The following RNF13 variants were observed in gnomAD, a reference collection of about 807,000 sequenced individuals.
RNF13 encodes the protein E3 ubiquitin-protein ligase RNF13.
A neutral mutation model predicts 37.7 loss-of-function variants in RNF13; 19 were observed. The observed-to-expected ratio is 0.50, with a 90% CI of 0.35 to 0.74. RNF13 has a LOEUF of 0.74. Among genes scored for constraint, RNF13 ranks in the 30% least tolerant of loss-of-function variants. The probability of loss-of-function intolerance (pLI) is 0.01; values close to 1 mark genes in which losing one functional copy is unlikely to be tolerated. For missense variants in RNF13, 375 were observed against 453.0 expected, an observed-to-expected ratio of 0.83 and a Z score of 1.56; for synonymous variants, 144 against 157.8, an observed-to-expected ratio of 0.91 and a Z score of 0.65.
chr3:149,836,509 A>G (rs1721638649), intron 1 of RNF13, among the ~76,000 whole-genome samples: 1 of 152,130 alleles, frequency 6.6e-6, no homozygotes, highest in Non-Finnish European at 1.5e-5. Flanking sequence ...TTGAAGGAAA[A>G]CAACATAAAA....
rs1464030676 is a variant in RNF13, at chr3:149,823,594, TAGTA to T, written c.-17+10244_-17+10247del. On this transcript the variant is annotated intron_variant, in intron 1 of 9. Transcript: ENST00000392894. ...ATATTCATTGGAAAATTATTTGTAATAGTAAGAGTTCAATTCAATGTTGTACAGC... is the reference window on the plus strand; with the variant it reads ...ATATTCATTGGAAAATTATTTGTAATAGAGTTCAATTCAATGTTGTACAGC... Among the ~76,000 whole-genome samples the T allele has an allele frequency of 2.0e-5, 3 of 152,266 alleles. No individual in the cohort carries two copies. In the East Asian group the frequency reaches 5.8e-4, roughly 29 times the overall value.
intron 6 of RNF13, among the ~76,000 whole-genome samples, chr3:149,904,981 A>G (rs1716245292): frequency 6.6e-6 from 1 of 152,120 alleles, no homozygotes; most frequent in South Asian, 2.1e-4. Flanking sequence ...TGGATGTTCC[A>G]GTTTAATCAG....
chr3:149,874,632 C>T (rs1712473038), intron 4 of RNF13, among the ~76,000 whole-genome samples: 1 of 152,072 alleles, frequency 6.6e-6, no homozygotes, highest in African/African-American at 2.4e-5. Flanking sequence ...ATTAAATTGT[C>T]TGGTAAGTCA....
At chr3:149,865,685 A>T (rs1724740329) in intron 3 of RNF13, among the ~76,000 whole-genome samples, 1 of 152,156 alleles carries the variant, frequency 6.6e-6, no homozygotes, top group Admixed American at 6.5e-5. Context: ...AAACAAAAAA[A>T]TTGGAATAGA....
At chr3:149,876,481 C>G (rs1374480106) in intron 4 of RNF13, among the ~76,000 whole-genome samples, 3 of 152,132 alleles carry the variant, frequency 2.0e-5, no homozygotes, top group Non-Finnish European at 4.4e-5. Context: ...TTTTATAAAA[C>G]TTAACTGGGA....
At chr3:149,839,446 A>G (rs1721949612) in intron 1 of RNF13, among the ~76,000 whole-genome samples, 1 of 137,246 alleles carries the variant, frequency 7.3e-6, no homozygotes, top group Non-Finnish European at 1.6e-5. Flanking sequence ...ATAAAGAAAA[A>G]GAGGTTTAAT....
intron 8 of RNF13, among the ~76,000 whole-genome samples, chr3:149,941,238 A>T (rs1720226607): frequency 6.6e-6 from 1 of 152,048 alleles, no homozygotes; most frequent in South Asian, 2.1e-4. Flanking sequence ...GCTGAATCAT[A>T]TTCTAATTGT....
intron 4 of RNF13, among the ~76,000 whole-genome samples, chr3:149,873,113 A>G (rs559393764): frequency 6.6e-6 from 1 of 152,342 alleles, no homozygotes; most frequent in East Asian, 1.9e-4. Context: ...CCAGAACTAA[A>G]CTATAATAAT....
chr3:149,953,904 A>G (rs778063681), intron 8 of RNF13, among the ~76,000 whole-genome samples: 1 of 152,258 alleles, frequency 6.6e-6, no homozygotes, highest in Non-Finnish European at 1.5e-5. Context: ...AGCAATTATT[A>G]TTATAAAAGC....
At chr3:149,832,717 A>G (rs776834409) in intron 1 of RNF13, among the ~76,000 whole-genome samples, 2 of 152,224 alleles carry the variant, frequency 1.3e-5, no homozygotes, top group African/African-American at 4.8e-5. Context: ...TACCAATTTT[A>G]TAGAAATAAA....
At chr3:149,938,856 A>G (rs879817772) in intron 8 of RNF13, 53 of 290,134 alleles carry the variant, frequency 1.8e-4, no homozygotes, top group Non-Finnish European at 3.1e-4. Context: ...ATTCTTGGCA[A>G]TAGAGCCTGG....
At chr3:149,903,821 G>C (rs1384875284) in intron 6 of RNF13, among the ~76,000 whole-genome samples, 1 of 152,078 alleles carries the variant, frequency 6.6e-6, no homozygotes, top group African/African-American at 2.4e-5. Flanking sequence ...CAAGTTGACT[G>C]TCAAATGAAT....
chr3:149,955,851 T>G (rs1721810270), intron 8 of RNF13, among the ~76,000 whole-genome samples: 1 of 152,196 alleles, frequency 6.6e-6, no homozygotes, highest in Non-Finnish European at 1.5e-5. Context: ...ACAATTAACT[T>G]CTACATCAAT....
chr3:149,870,552 G>GA (rs754083537), intron 3 of RNF13, among the ~76,000 whole-genome samples: 13 of 151,896 alleles, frequency 8.6e-5, no homozygotes, highest in Admixed American at 7.2e-4. Flanking sequence ...TAATCATGTT[G>GA]AAAAATATTT....
At chr3:149,820,978 CT>C (rs1719946728) in intron 1 of RNF13, among the ~76,000 whole-genome samples, 1 of 152,154 alleles carries the variant, frequency 6.6e-6, no homozygotes, top group Non-Finnish European at 1.5e-5. Flanking sequence ...ATCAGTACTT[CT>C]TTCCTTTTCA....
intron 8 of RNF13, among the ~76,000 whole-genome samples, chr3:149,951,822 G>T (rs574504846): frequency 5.3e-5 from 8 of 152,300 alleles, no homozygotes; most frequent in African/African-American, 1.9e-4. Flanking sequence ...CTACTTTATG[G>T]ATAAGGAATA....
intron 8 of RNF13, among the ~76,000 whole-genome samples, chr3:149,939,977 C>A (rs757985702): frequency 1.2e-3 from 181 of 152,162 alleles, no homozygotes; most frequent in Middle Eastern, 3.4e-3. Flanking sequence ...CTCTGACAAT[C>A]TTTTGATTAG....
At chr3:149,818,666 A>T (rs1404556545) in intron 1 of RNF13, among the ~76,000 whole-genome samples, 3 of 152,144 alleles carry the variant, frequency 2.0e-5, no homozygotes, top group African/African-American at 7.2e-5. Flanking sequence ...TAATCCCAGC[A>T]CTTTGGGAGG....
rs796337891 is a variant in RNF13 at position 149,822,911 on chromosome 3, C to T, written c.-17+9558C>T. Among the ~76,000 whole-genome samples the T allele has an allele frequency of 1.2e-4, 19 of 152,130 alleles. 1 individual carries two copies. Among genetic ancestry groups the T allele is most frequent in the South Asian group, 6.2e-4 (3 of 4,828 alleles). On this transcript the variant is annotated intron_variant, in intron 1 of 9. Transcript: ENST00000392894. ...GAAGCTAATTTGAATATGTAAATTA[C>T]CATTAATATACATTAGTTTTTCTGT...
Sources: gnomAD v4.1 joint callset for allele counts (sites outside exome capture counted in the v4.1 genomes callset) on GRCh38, gnomAD v4.1.1 for gene constraint, MANE v1.5 for transcripts, NCBI Gene and HGNC (gene_info 2026-07-23, HGNC 2026-07-21) for gene names.